Variants in CRYZ observed in about 807,000 individuals in gnomAD.
The protein encoded by CRYZ is zeta-crystallin.
In CRYZ, 35 loss-of-function variants were observed where a neutral mutation model predicts 34.1. The ratio of observed to expected loss-of-function variants is 1.03; its 90% CI spans 0.78 to 1.36. The LOEUF is 1.36. CRYZ is among the 40% of genes most tolerant of loss of function. The pLI is 0.00. For synonymous variants in CRYZ, 137 were observed against 136.5 expected (o/e 1.00, Z -0.03); for missense variants, 403 against 391.8 (o/e 1.03, Z -0.24).
At chr1:74,716,663 T>A (rs868820492) in intron 4 of CRYZ, among the ~76,000 whole-genome samples, 1 of 152,138 alleles carries the variant, frequency 6.6e-6, no homozygotes. Flanking sequence ...TTATCCTAAT[T>A]CTGAAAACCC....
chr1:74,706,423 G>A lies in CRYZ; in HGVS notation c.863C>T (p.Ala288Val). 6.2e-7 allele frequency: 1 copy of A among 1,609,768 alleles called. No individual in the cohort carries two copies. ...EFQQYAAALQ[A>V]GMEIGWLKPV... is the part of the protein sequence containing the mutation. ...TTTCAACCAGCCAATTTCCATTCCA[G>A]CTTGAAGGGCTGCTGCATATTGCTG... The change falls in exon 9 of 9, where the codon GCT (alanine) becomes GTT (valine). Residue 288 changes from alanine to valine, a missense_variant. By Grantham distance (64) the Ala-to-Val change is moderately conservative. Coordinates refer to ENST00000340866, the MANE Select transcript of CRYZ (RefSeq NM_001889.4).
In CRYZ at chr1:74,707,163, C is replaced by T. The variant is rs1646941877; in HGVS notation, c.672G>A (p.Met224Ile). 1.3e-6 allele frequency: 2 copies of T among 1,584,948 alleles called. No homozygotes were observed. Among genetic ancestry groups the T allele is most frequent in the African/African-American group, 1.4e-5 (1 of 73,470 alleles). The change falls in exon 7 of 9, where the codon ATG (methionine) becomes ATA (isoleucine). Residue 224 changes from methionine (M) to isoleucine (I), a missense_variant. Coordinates refer to ENST00000340866, the MANE Select transcript of CRYZ (RefSeq NM_001889.4). ...GEKGIDIIIE[M>I]LANVNLSKDL... is the part of the protein sequence containing the mutation. ...CTTTACTAAGATTTACATTAGCTAA[C>T]ATTTCAATAATTATATCAATTCCTT...
In CRYZ at chr1:74,731,385, G is replaced by T. The variant is rs544379345; in HGVS notation, c.-14+1571C>A. ...TAAAATTAAATAAGAATTCTGGCAA[G>T]AATTTTAAAAACTGAAAACTTAGAA... On this transcript the variant is annotated intron_variant, in intron 1 of 8. Coordinates refer to ENST00000340866, the MANE Select transcript of CRYZ (RefSeq NM_001889.4). Among the ~76,000 whole-genome samples the T allele has an allele frequency of 1.4e-4, 22 of 152,194 alleles. No homozygotes were observed. In the South Asian group the frequency reaches 4.4e-3, roughly 30 times the overall value.
intron 1 of CRYZ, chr1:74,730,534 C>T (rs1222339426): frequency 6.6e-6 from 1 of 152,168 alleles, no homozygotes; most frequent in African/African-American, 2.4e-5. Context: ...AGTCTTCCAC[C>T]TCCATTGACT....
intron 4 of CRYZ, among the ~76,000 whole-genome samples, chr1:74,715,755 A>T (rs1422971123): frequency 6.6e-6 from 1 of 152,138 alleles, no homozygotes; most frequent in Non-Finnish European, 1.5e-5. Context: ...CATTCTCATA[A>T]ATCCCTGGGG....
intron 1 of CRYZ, among the ~76,000 whole-genome samples, chr1:74,727,133 A>G (rs558474149): frequency 6.7e-6 from 1 of 150,300 alleles, no homozygotes; most frequent in South Asian, 2.1e-4. Context: ...TCCAATTGTT[A>G]CCCAGTTTCA....
intron 2 of CRYZ, among the ~76,000 whole-genome samples, chr1:74,724,177 T>C (rs1647222869): frequency 6.6e-6 from 1 of 152,184 alleles, no homozygotes. Context: ...AAAGATAGGT[T>C]ATATCCAAAC....
Position 74,723,350 on chromosome 1 carries a change from G to A in CRYZ, c.112-80C>T, listed in dbSNP as rs1186136781. On this transcript the variant is annotated intron_variant, in intron 2 of 8. Transcript: ENST00000340866. Reference sequence around the variant, plus strand: ...TTATGCTAGGACTGTGCTGATTATGGGAGCTATCAAAATGGGAGACAAAAG... The same window carrying A: ...TTATGCTAGGACTGTGCTGATTATGAGAGCTATCAAAATGGGAGACAAAAG... The A allele has an allele frequency of 3.6e-6, 5 of 1,370,996 alleles. No individual in the cohort carries two copies. In the East Asian group the frequency reaches 1.2e-4, roughly 33 times the overall value. The allele number at this position is 1,370,996 out of a possible 1,614,324, so 84.9% of individuals were successfully genotyped here.
At chr1:74,724,877 G>A (rs1001539855) in intron 1 of CRYZ, 43 bp from the exon 2 acceptor site, 1 of 1,155,988 alleles carries the variant, frequency 8.7e-7, no homozygotes, top group African/African-American at 1.6e-5. Flanking sequence ...ATTGTATCTA[G>A]GATATCACCA....
intron 1 of CRYZ, among the ~76,000 whole-genome samples, chr1:74,729,740 A>G (rs1647601055): frequency 6.6e-6 from 1 of 152,180 alleles, no homozygotes; most frequent in Non-Finnish European, 1.5e-5. Context: ...TAATATAACG[A>G]TATTTACAGA....
chr1:74,714,638 G>C lies in CRYZ; in HGVS notation c.429-8C>G. ...CCAGCTTTCACACAGGCACTGCAAA[G>C]GAAAGCATAAGTTACATCACCTTAT... On this transcript the variant is annotated splice_polypyrimidine_tract_variant and splice_region_variant and intron_variant, in intron 4 of 8. Transcript: ENST00000340866. The C allele has an allele frequency of 6.2e-7, 1 of 1,613,378 alleles. No individual in the cohort carries two copies.
At chr1:74,728,731 T>G (rs1482414624) in intron 1 of CRYZ, among the ~76,000 whole-genome samples, 2 of 152,208 alleles carry the variant, frequency 1.3e-5, no homozygotes. Context: ...CTTGATATAA[T>G]TAATCAAAAG....
chr1:74,728,408 T>C (rs1251121507), intron 1 of CRYZ, among the ~76,000 whole-genome samples: 1 of 152,222 alleles, frequency 6.6e-6, no homozygotes, highest in Non-Finnish European at 1.5e-5. Context: ...AAAGATGTAA[T>C]GAAAGGTTTT....
intron 4 of CRYZ, among the ~76,000 whole-genome samples, 174 bp from the exon 5 acceptor site, chr1:74,714,804 C>G (rs548322101): frequency 2.0e-5 from 3 of 152,240 alleles, no homozygotes; most frequent in African/African-American, 7.2e-5. Context: ...ATAAACAAAG[C>G]CTTCAATTCA....
Position 74,732,991 on chromosome 1 carries a change from T to G in CRYZ, c.-49A>C. 1 of 502,930 alleles carries G rather than the reference T, an allele frequency of 2.0e-6. No homozygotes were observed. Among genetic ancestry groups the G allele is most frequent in the Non-Finnish European group, 3.5e-6 (1 of 286,308 alleles). 31.2% of individuals were successfully genotyped at this position (502,930 alleles called of 1,614,324 possible). A position where few individuals can be genotyped will look rare whatever the true frequency, so the allele number is the denominator to read the frequency against. The stretch of plus-strand genomic sequence containing the variant: ...AGTGGGAATTAAAATCTGCGTGGGC[T>G]TCTTCAGATTCCACAGAAATGAGGA... On this transcript the variant is annotated 5_prime_UTR_variant, in exon 1 of 9. Transcript: ENST00000340866.
At position 74,724,768 on chromosome 1, in the gene CRYZ, C is replaced by T. The variant is rs1051122; in HGVS notation, c.54G>A (p.Gly18=). The T allele has an allele frequency of 0.76, 1,216,608 of 1,611,268 alleles. 460,803 individuals are homozygous for T. The highest frequency in any genetic ancestry group is 0.84 in the Admixed American group (50,056 of 59,768). ...CTGATCGCAATTTCAGGACTTCTGGCCCACCAAATTCAAAAACTCTAACAG... is the reference window on the plus strand; with the variant it reads ...CTGATCGCAATTTCAGGACTTCTGGTCCACCAAATTCAAAAACTCTAACAG... ...MRAVRVFEFG[G]PEVLKLRSDI... is the part of the protein sequence containing the mutation. Residue 18 remains glycine (G), a synonymous_variant, in exon 2 of 9, where the codon GGG becomes GGA. Coordinates refer to ENST00000340866, the MANE Select transcript of CRYZ (RefSeq NM_001889.4).
intron 6 of CRYZ, chr1:74,708,176 A>C (rs1646955072): frequency 6.6e-6 from 1 of 152,256 alleles, no homozygotes; most frequent in South Asian, 2.1e-4. Context: ...ACTGAAGTAC[A>C]TAATCAGGTA....
Position 74,710,230 on chromosome 1 carries a change from G to T in CRYZ, c.498C>A (p.Cys166Ter). The T allele has an allele frequency of 6.2e-7, 1 of 1,613,650 alleles. No homozygotes were observed. The change falls in exon 6 of 9, where the codon TGC (cysteine) becomes TGA (stop). Residue 166 changes from cysteine to a stop codon, truncating the protein, a stop_gained. Coordinates refer to ENST00000340866, the MANE Select transcript of CRYZ (RefSeq NM_001889.4). LOFTEE classifies it high-confidence loss of function. ...TTAAGCCATAAGCTCTAGCAATTTGGCATGCTGCTAATCCAACCTGAAAAA... is the reference window on the plus strand; with the variant it reads ...TTAAGCCATAAGCTCTAGCAATTTGTCATGCTGCTAATCCAACCTGAAAAA... ...GASGGVGLAA[C>*]QIARAYGLKI...
chr1:74,713,982 T>C (rs766966157), intron 5 of CRYZ, among the ~76,000 whole-genome samples: 5 of 152,106 alleles, frequency 3.3e-5, no homozygotes, highest in Non-Finnish European at 7.3e-5. Context: ...GGTGATTTCA[T>C]TGAAGGGCTT....
Sources: gnomAD v4.1 joint callset for allele counts (sites outside exome capture counted in the v4.1 genomes callset) on GRCh38, gnomAD v4.1.1 for gene constraint, MANE v1.5 for transcripts, NCBI Gene and HGNC (gene_info 2026-07-23, HGNC 2026-07-21) for gene names.